The following CHST13 variants were observed in gnomAD, a reference collection of about 807,000 sequenced individuals.
The protein encoded by CHST13 is C4ST-3.
In CHST13, 1 loss-of-function variant was observed where a neutral mutation model predicts 7.0. The ratio of observed to expected loss-of-function variants is 0.14; its 90% CI spans 0.05 to 0.68. CHST13 has a LOEUF of 0.68. Ranked by LOEUF, CHST13 falls within the 30% of genes least tolerant of loss-of-function variation. The pLI is 0.82. For missense variants in CHST13, 572 were observed against 507.9 expected (o/e 1.13, Z -1.21); for synonymous variants, 257 against 240.9 (o/e 1.07, Z -0.62).
intron 1 of CHST13, among the ~76,000 whole-genome samples, chr3:126,532,235 T>C (rs1936674931): frequency 6.6e-6 from 1 of 152,258 alleles, no homozygotes; most frequent in South Asian, 2.1e-4. Context: ...TTCTTGATAG[T>C]GTGCTTTGAA....
intron 1 of CHST13, chr3:126,529,115 G>C: frequency 5.1e-6 from 2 of 395,116 alleles, no homozygotes; most frequent in Admixed American, 5.8e-5. Flanking sequence ...CCCCCTACAT[G>C]ATGGCTGTGC....
chr3:126,541,987 G>T lies in CHST13; in HGVS notation c.435G>T (p.Ala145=), dbSNP rs367830517. The T allele has an allele frequency of 3.0e-5, 47 of 1,563,824 alleles. No homozygotes were observed. In the African/African-American group the frequency reaches 5.3e-4, roughly 18 times the overall value. Residue 145 remains alanine (A), a synonymous_variant, in exon 3 of 3, where the codon GCG becomes GCT. Transcript: ENST00000319340. ...PRAISAQEAH[A]PGRLPSLADF... ...CCATCTCCGCGCAAGAGGCGCACGC[G>T]CCTGGCCGCCTGCCCTCACTGGCCG...
chr3:126,530,200 T>C (rs1576747343), intron 1 of CHST13, among the ~76,000 whole-genome samples: 1 of 152,138 alleles, frequency 6.6e-6, no homozygotes, highest in South Asian at 2.1e-4. Flanking sequence ...GCAGGCAGGG[T>C]GGGGCTGGAT....
chr3:126,533,154 A>T (rs564853251), intron 1 of CHST13, among the ~76,000 whole-genome samples: 17 of 152,150 alleles, frequency 1.1e-4, no homozygotes, highest in Non-Finnish European at 1.6e-4. Flanking sequence ...TTCTATATAT[A>T]TATACGGTTA....
chr3:126,539,797 A>ACATACCACCTACCAAAAGTGTG (rs1936899400), intron 2 of CHST13, among the ~76,000 whole-genome samples: 1 of 58,460 alleles, frequency 1.7e-5, no homozygotes, highest in Non-Finnish European at 3.0e-5. Context: ...CACACCACAG[A>ACATACCACCTACCAAAAGTGTG]CACCACACCA....
chr3:126,533,600 T>C (rs1936704063), intron 1 of CHST13, among the ~76,000 whole-genome samples: 2 of 152,222 alleles, frequency 1.3e-5, no homozygotes, highest in African/African-American at 4.8e-5. Context: ...ATAAACTTTT[T>C]CATAGGATGT....
chr3:126,542,624 C>G lies in CHST13; in HGVS notation c.*46C>G. The G allele has an allele frequency of 7.0e-7, 1 of 1,427,148 alleles. No individual in the cohort carries two copies. Among genetic ancestry groups the G allele is most frequent in the Non-Finnish European group, 9.2e-7 (1 of 1,090,898 alleles). 88.4% of individuals were successfully genotyped at this position (1,427,148 alleles called of 1,614,324 possible). A position where few individuals can be genotyped will look rare whatever the true frequency, so the allele number is the denominator to read the frequency against. ...CCACGCGGGGCAAGTGCCTTTCCGA[C>G]AAGACCCCCGGGGAATGCAGGTGCT... On this transcript the variant is annotated 3_prime_UTR_variant, in exon 3 of 3. Coordinates refer to ENST00000319340, the MANE Select transcript of CHST13 (RefSeq NM_152889.3).
At chr3:126,538,546 C>T (rs1936851183) in intron 2 of CHST13, among the ~76,000 whole-genome samples, 1 of 152,250 alleles carries the variant, frequency 6.6e-6, no homozygotes, top group South Asian at 2.1e-4. Context: ...TGCCCTGACA[C>T]AGCCGGGGTC....
intron 2 of CHST13, among the ~76,000 whole-genome samples, chr3:126,539,747 ACCACACACT>A (rs1936893958): frequency 1.4e-5 from 1 of 70,200 alleles, no homozygotes; most frequent in Non-Finnish European, 2.7e-5. Context: ...CACACCCCAC[ACCACACACT>A]CCACACCACA....
chr3:126,525,263 G>A (rs1936514551), intron 1 of CHST13, among the ~76,000 whole-genome samples: 1 of 152,150 alleles, frequency 6.6e-6, no homozygotes, highest in Non-Finnish European at 1.5e-5. Flanking sequence ...CCCAGTGTGG[G>A]CTCTGAGAAT....
At chr3:126,528,028 T>C (rs887621832) in intron 1 of CHST13, among the ~76,000 whole-genome samples, 4 of 151,374 alleles carry the variant, frequency 2.6e-5, no homozygotes, top group African/African-American at 9.7e-5. Flanking sequence ...GAAAGCTGCA[T>C]AGGAGTTTAA....
chr3:126,540,586 T>C (rs1936937665), intron 2 of CHST13, among the ~76,000 whole-genome samples: 1 of 152,196 alleles, frequency 6.6e-6, no homozygotes, highest in African/African-American at 2.4e-5. Context: ...CATGGCTGAG[T>C]CATATTCCAT....
chr3:126,529,285 A>T, intron 1 of CHST13: 1 of 1,280,926 alleles, frequency 7.8e-7, no homozygotes, highest in African/African-American at 1.5e-5. Flanking sequence ...TCCTGTGTGC[A>T]GCAATCGCAT....
intron 1 of CHST13, among the ~76,000 whole-genome samples, chr3:126,534,607 G>A (rs1936725394): frequency 6.7e-6 from 1 of 149,826 alleles, no homozygotes; most frequent in Non-Finnish European, 1.5e-5. Flanking sequence ...TCCTCAGCTG[G>A]GAGACAGACA....
rs573810869 is a variant in CHST13 at position 126,524,789 on chromosome 3, G to C, written c.97+360G>C. On this transcript the variant is annotated intron_variant, in intron 1 of 2. Transcript: ENST00000319340. ...TCCCCTGCGCACCCCACGGCCCCTG[G>C]ACATGAGCGCTGCTGGGCGCATGCG... Among the ~76,000 whole-genome samples, 3 of 152,326 alleles carry C rather than the reference G, an allele frequency of 2.0e-5. No individual in the cohort carries two copies. In the East Asian group the frequency reaches 5.8e-4, roughly 30 times the overall value.
At chr3:126,534,046 T>C (rs780710598) in intron 1 of CHST13, among the ~76,000 whole-genome samples, 16 of 152,234 alleles carry the variant, frequency 1.1e-4, no homozygotes, top group Non-Finnish European at 2.2e-4. Flanking sequence ...TTCTTGTTTC[T>C]TTAAGGTCAG....
intron 2 of CHST13, among the ~76,000 whole-genome samples, chr3:126,537,507 G>A (rs889092620): frequency 2.6e-5 from 4 of 152,208 alleles, no homozygotes; most frequent in African/African-American, 4.8e-5. Flanking sequence ...AGGGCTGAGC[G>A]GAAGGGGCCT....
At position 126,542,091 on chromosome 3, in the gene CHST13, T is replaced by C. The variant is rs1243489813; in HGVS notation, c.539T>C (p.Leu180Pro). The change falls in exon 3 of 3, where the codon CTG (leucine) becomes CCG (proline). Residue 180 changes from leucine (L) to proline (P), a missense_variant. Transcript: ENST00000319340. Reference protein sequence around the residue: ...FLFVREPFERLASAYRNKLAR... With the variant: ...FLFVREPFERPASAYRNKLAR... ...TTCGTGCGGGAGCCCTTCGAGCGCC[T>C]GGCATCGGCTTACCGCAACAAGCTC... The C allele has an allele frequency of 2.5e-6, 4 of 1,583,502 alleles. No individual in the cohort carries two copies. The highest frequency in any genetic ancestry group is 3.4e-6 in the Non-Finnish European group (4 of 1,169,040).
chr3:126,524,398 C>A lies in CHST13; in HGVS notation c.66C>A (p.Leu22=). ...AAACLGAALL[L]LCAAPRSLRP... ...CCTGTCTGGGCGCCGCGCTCCTGCT[C>A]CTATGCGCCGCGCCCCGCTCCCTGC... Residue 22 remains leucine (L), a synonymous_variant, in exon 1 of 3, where the codon CTC becomes CTA. Transcript: ENST00000319340. 1.6e-6 allele frequency: 2 copies of A among 1,212,982 alleles called. No homozygotes were observed. Among genetic ancestry groups the A allele is most frequent in the South Asian group, 7.7e-5 (2 of 25,866 alleles). The allele number at this position is 1,212,982 out of a possible 1,614,324, so 75.1% of individuals were successfully genotyped here.
Sources: gnomAD v4.1 joint callset for allele counts (sites outside exome capture counted in the v4.1 genomes callset) on GRCh38, gnomAD v4.1.1 for gene constraint, MANE v1.5 for transcripts, NCBI Gene and HGNC (gene_info 2026-07-23, HGNC 2026-07-21) for gene names.